PLD5: variants seen among roughly 807,000 people sequenced by gnomAD.
PLD5 encodes the protein phospholipase D family member 5.
PLD5 carries 36 observed loss-of-function variants against 61.1 expected under a neutral mutation model. The observed-to-expected ratio is 0.59, with a 90% CI of 0.45 to 0.78. The LOEUF (loss-of-function observed/expected upper bound fraction) is 0.78, where lower values mean the gene tolerates loss of function less well. PLD5 is among the 30% of genes least tolerant of loss of function. The pLI is 0.00. For missense variants in PLD5, 515 were observed against 644.4 expected, an observed-to-expected ratio of 0.80 and a Z score of 2.17; for synonymous variants, 243 against 242.8, an observed-to-expected ratio of 1.00 and a Z score of -0.01.
At chr1:242,293,915 G>C (rs1391371460) in intron 2 of PLD5, among the ~76,000 whole-genome samples, 1 of 152,134 alleles carries the variant, frequency 6.6e-6, no homozygotes, top group Non-Finnish European at 1.5e-5. Context: ...GTGACCTATA[G>C]TTTTATTTCT....
chr1:242,402,281 G>A (rs1663980299), intron 1 of PLD5, among the ~76,000 whole-genome samples: 2 of 151,078 alleles, frequency 1.3e-5, no homozygotes, highest in African/African-American at 4.9e-5. Context: ...AATAGAACAA[G>A]TAAGACACTT....
At chr1:242,154,604 T>G (rs910816475) in intron 5 of PLD5, among the ~76,000 whole-genome samples, 4 of 152,192 alleles carry the variant, frequency 2.6e-5, no homozygotes, top group Non-Finnish European at 5.9e-5. Context: ...GAGATAATCA[T>G]GTGGTTTCTG....
At chr1:242,285,173 T>C (rs900409133) in intron 3 of PLD5, among the ~76,000 whole-genome samples, 5 of 152,242 alleles carry the variant, frequency 3.3e-5, no homozygotes, top group African/African-American at 4.8e-5. Flanking sequence ...TGACTTGAAC[T>C]AAGCTTCTAA....
At chr1:242,248,807 C>T (rs1359739551) in intron 4 of PLD5, among the ~76,000 whole-genome samples, 1 of 152,158 alleles carries the variant, frequency 6.6e-6, no homozygotes, top group Non-Finnish European at 1.5e-5. Flanking sequence ...TCTCCACACT[C>T]CCTCTGCTAC....
At chr1:242,366,840 A>T (rs529997258) in intron 1 of PLD5, among the ~76,000 whole-genome samples, 86 of 152,092 alleles carry the variant, frequency 5.7e-4, no homozygotes, top group African/African-American at 1.8e-3. Flanking sequence ...TGAATAAATT[A>T]AAAAAAAGCA....
intron 1 of PLD5, among the ~76,000 whole-genome samples, chr1:242,435,287 C>CCTT (rs1665935851): frequency 3.2e-4 from 48 of 152,110 alleles, no homozygotes; most frequent in African/African-American, 1.1e-3. Context: ...GTCCCTAGTG[C>CCTT]ATGCGCTCCC....
At chr1:242,371,765 G>T (rs1661647975) in intron 1 of PLD5, among the ~76,000 whole-genome samples, 1 of 152,134 alleles carries the variant, frequency 6.6e-6, no homozygotes. Context: ...ACATCCTGAG[G>T]CAATAGATAA....
intron 1 of PLD5, among the ~76,000 whole-genome samples, chr1:242,520,138 T>C (rs1484487323): frequency 2.6e-5 from 4 of 152,156 alleles, no homozygotes; most frequent in Admixed American, 2.6e-4. Flanking sequence ...ACATGAGTCA[T>C]ATGAATGGAT....
intron 9 of PLD5, among the ~76,000 whole-genome samples, chr1:242,093,599 C>T (rs1195162377): frequency 6.6e-6 from 1 of 152,068 alleles, no homozygotes; most frequent in Admixed American, 6.5e-5. Flanking sequence ...GGTTCAAAGC[C>T]AGGTCTGACC....
chr1:242,426,321 A>AG (rs1665422269), intron 1 of PLD5, among the ~76,000 whole-genome samples: 1 of 151,900 alleles, frequency 6.6e-6, no homozygotes, highest in Admixed American at 6.6e-5. Context: ...AAAAAAAAAA[A>AG]AAAAAAAAAA....
intron 1 of PLD5, among the ~76,000 whole-genome samples, chr1:242,501,302 G>C: frequency 6.6e-6 from 1 of 152,194 alleles, no homozygotes; most frequent in Non-Finnish European, 1.5e-5. Context: ...AGAAATCCCA[G>C]ACCAACAAAT....
chr1:242,090,028 G>C lies in PLD5; in HGVS notation c.1437C>G (p.Asn479Lys). Residue 479 changes from asparagine to lysine, a missense_variant, in exon 10 of 10, where the codon AAC (asparagine) becomes AAG (lysine). This residue lies in a region of PLD5 where 450 missense variants were observed against 598.1 expected (regional missense o/e 0.75). Coordinates refer to ENST00000536534, the MANE Select transcript of PLD5 (RefSeq NM_001372062.1). The part of the protein sequence containing the change: ...LVINQADVRN[N>K]RSIIKQLKDV... ...CTTTAAGTTGCTTAATGATGCTTCT[G>C]TTGTTCCTCACATCTGCCTGGTTGA... The C allele has an allele frequency of 6.2e-7, 1 of 1,614,194 alleles. No homozygotes were observed. The highest frequency in any genetic ancestry group is 8.5e-7 in the Non-Finnish European group (1 of 1,180,040).
intron 5 of PLD5, among the ~76,000 whole-genome samples, chr1:242,136,198 G>A (rs1663712677): frequency 6.6e-6 from 1 of 152,194 alleles, no homozygotes; most frequent in South Asian, 2.1e-4. Context: ...GGCTTCATGA[G>A]TAACTAACTG....
At chr1:242,135,346 G>C (rs1663632559) in intron 5 of PLD5, among the ~76,000 whole-genome samples, 1 of 152,144 alleles carries the variant, frequency 6.6e-6, no homozygotes, top group Admixed American at 6.6e-5. Flanking sequence ...ACAAGAGCTG[G>C]AGTGCACACT....
intron 8 of PLD5, among the ~76,000 whole-genome samples, chr1:242,104,397 G>C (rs1305270511): frequency 6.6e-6 from 1 of 151,016 alleles, no homozygotes; most frequent in Non-Finnish European, 1.5e-5. Flanking sequence ...GCCTCCCAAA[G>C]TGTTGGGATT....
chr1:242,167,874 C>A (rs1441717932), intron 5 of PLD5, among the ~76,000 whole-genome samples: 1 of 152,168 alleles, frequency 6.6e-6, no homozygotes, highest in Non-Finnish European at 1.5e-5. Context: ...TTTAGGTGGG[C>A]AATTTGCTCA....
At chr1:242,099,350 C>T (rs988404622) in intron 9 of PLD5, among the ~76,000 whole-genome samples, 1 of 152,194 alleles carries the variant, frequency 6.6e-6, no homozygotes, top group African/African-American at 2.4e-5. Context: ...TGGTCTTGAA[C>T]TCCTGACCTC....
chr1:242,183,250 T>C (rs755067834), intron 5 of PLD5, among the ~76,000 whole-genome samples: 35 of 152,358 alleles, frequency 2.3e-4, no homozygotes, highest in Non-Finnish European at 3.7e-4. Context: ...TGCTTTACTA[T>C]AGTTTGAGTA....
intron 4 of PLD5, among the ~76,000 whole-genome samples, chr1:242,253,878 C>T (rs911575648): frequency 2.0e-5 from 3 of 152,178 alleles, no homozygotes; most frequent in Non-Finnish European, 2.9e-5. Flanking sequence ...TTATATGTAT[C>T]AGATGAACCC....
Sources: gnomAD v4.1 joint callset for allele counts (sites outside exome capture counted in the v4.1 genomes callset) on GRCh38, gnomAD v4.1.1 for gene constraint, gnomAD v4.1.1 regional missense constraint, MANE v1.5 for transcripts, NCBI Gene and HGNC (gene_info 2026-07-23, HGNC 2026-07-21) for gene names.